Variants in CAPN3 observed in about 807,000 individuals in gnomAD.
CAPN3 encodes calpain 3, also known as calpain-3.
In CAPN3, 88 loss-of-function variants were observed where a neutral mutation model predicts 114.0. The ratio of observed to expected loss-of-function variants is 0.77; its 90% CI spans 0.65 to 0.92. The LOEUF is 0.92. Among genes scored for constraint, CAPN3 ranks in the 40% least tolerant of loss-of-function variants. The probability of loss-of-function intolerance (pLI) is 0.00; values close to 1 mark genes in which losing one functional copy is unlikely to be tolerated. For missense variants in CAPN3, 1,028 were observed against 1,069.0 expected, an observed-to-expected ratio of 0.96 and a Z score of 0.53; for synonymous variants, 386 against 382.9, an observed-to-expected ratio of 1.01 and a Z score of -0.09.
intron 7 of CAPN3, 29 bp downstream of exon 7, chr15:42,392,751 GGGCACCCT>G: frequency 6.3e-7 from 1 of 1,586,630 alleles, no homozygotes; most frequent in Non-Finnish European, 8.6e-7. Context: ...GGTGGGGCAA[GGGCACCCT>G]CCTGGGTTAA....
At chr15:42,387,939 C>A in intron 4 of CAPN3, 53 bp downstream of exon 4, 1 of 1,610,970 alleles carries the variant, frequency 6.2e-7, no homozygotes, top group Non-Finnish European at 8.5e-7. Context: ...AAGTGGGTTG[C>A]AAAATCCAGC....
intron 1 of CAPN3, among the ~76,000 whole-genome samples, chr15:42,369,526 A>G (rs963505334): frequency 6.6e-6 from 1 of 152,058 alleles, no homozygotes; most frequent in Non-Finnish European, 1.5e-5. Flanking sequence ...AAAGAATGTG[A>G]TCAGTATGAA....
intron 17 of CAPN3, 77 bp downstream of exon 17, chr15:42,409,457 T>A: frequency 7.4e-7 from 1 of 1,352,960 alleles, no homozygotes; most frequent in Non-Finnish European, 1.1e-6. Flanking sequence ...ACCAATTATT[T>A]CATTATTGTT....
At position 42,402,997 on chromosome 15, in the gene CAPN3, C is replaced by T. The variant is rs1296069874; in HGVS notation, c.1740C>T (p.Leu580=). The T allele has an allele frequency of 6.2e-7, 1 of 1,613,896 alleles. No homozygotes were observed. The highest frequency in any genetic ancestry group is 1.3e-5 in the African/African-American group (1 of 75,054). Residue 580 remains leucine, a synonymous_variant, in exon 13 of 24, where the codon CTC becomes CTT. Coordinates refer to ENST00000397163, the MANE Select transcript of CAPN3 (RefSeq NM_000070.3). The stretch of plus-strand genomic sequence containing the variant: ...GGGTCTTCTCTGAAAAGAGGAACCT[C>T]TCTGAGTGAGTGCTGGCCCAGCTTT... ...ILRVFSEKRN[L]SEEVENTISV...
intron 1 of CAPN3, among the ~76,000 whole-genome samples, chr15:42,371,747 T>C (rs938718386): frequency 2.0e-5 from 3 of 152,128 alleles, no homozygotes; most frequent in African/African-American, 7.2e-5. Flanking sequence ...GCAGATCACC[T>C]GAGGTCAGGA....
At chr15:42,391,403 G>A (rs763962026) in intron 6 of CAPN3, among the ~76,000 whole-genome samples, 36 of 152,068 alleles carry the variant, frequency 2.4e-4, no homozygotes, top group Admixed American at 1.3e-4. Flanking sequence ...AGCTTCCTAG[G>A]TCTAGAACTA....
intron 1 of CAPN3, among the ~76,000 whole-genome samples, chr15:42,367,693 C>G (rs1222484092): frequency 6.6e-6 from 1 of 152,212 alleles, no homozygotes; most frequent in East Asian, 1.9e-4. Context: ...CTTTCACAGT[C>G]TGAACACTCA....
intron 11 of CAPN3, 117 bp from the exon 12 acceptor site, chr15:42,402,007 G>GAACA: frequency 7.0e-7 from 1 of 1,432,480 alleles, no homozygotes; most frequent in Non-Finnish European, 9.8e-7. Flanking sequence ...GGGCCTGGCA[G>GAACA]AACAGGTGCC....
chr15:42,392,915 G>A (rs1439031413), intron 7 of CAPN3, among the ~76,000 whole-genome samples, 193 bp downstream of exon 7: 1 of 152,224 alleles, frequency 6.6e-6, no homozygotes, highest in African/African-American at 2.4e-5. Context: ...GCCACAGTTG[G>A]TGCACAGTTT....
intron 10 of CAPN3, among the ~76,000 whole-genome samples, chr15:42,400,219 TGAG>T (rs1027112977): frequency 2.0e-5 from 3 of 152,148 alleles, no homozygotes; most frequent in African/African-American, 7.2e-5. Context: ...TCAGGGACTG[TGAG>T]TACTGTGTCA....
Position 42,399,616 on chromosome 15 carries a change from CG to C in CAPN3, c.1322del (p.Gly441ValfsTer22), listed in dbSNP as rs1555421871. 5 of 1,611,214 alleles carry C rather than the reference CG, an allele frequency of 3.1e-6. No individual in the cohort carries two copies. The highest frequency in any genetic ancestry group is 4.2e-6 in the Non-Finnish European group (5 of 1,178,404). On this transcript the variant is annotated frameshift_variant, in exon 10 of 24. Transcript: ENST00000397163. LOFTEE classifies it high-confidence loss of function. ...TVSVNEGRWV[R>X]GCSAGGCRNF... ...GTCTGTGAACGAGGGCCGCTGGGTA[CG>C]GGGTTGCTCTGCCGGAGGCTGCCGC...
chr15:42,404,304 G>A, intron 14 of CAPN3: 1 of 456,556 alleles, frequency 2.2e-6, no homozygotes, highest in Non-Finnish European at 4.4e-6. Flanking sequence ...GGTGATGTAT[G>A]TGAAGTGTCT....
chr15:42,388,640 G>A (rs557871209), intron 4 of CAPN3, among the ~76,000 whole-genome samples: 3 of 152,024 alleles, frequency 2.0e-5, no homozygotes, highest in East Asian at 1.9e-4. Context: ...CTTCCTCAAC[G>A]TTCAGGATGT....
At chr15:42,377,363 T>A (rs921838304) in intron 1 of CAPN3, among the ~76,000 whole-genome samples, 2 of 152,204 alleles carry the variant, frequency 1.3e-5, no homozygotes, top group Non-Finnish European at 2.9e-5. Context: ...CCTAGTTAGC[T>A]GAGAGGTTTT....
At chr15:42,410,371 C>T in intron 19 of CAPN3, 57 bp from the exon 20 acceptor site, 2 of 1,543,752 alleles carry the variant, frequency 1.3e-6, no homozygotes, top group Non-Finnish European at 1.8e-6. Flanking sequence ...TAGACCCTCC[C>T]TCCAAATCCA....
chr15:42,409,791 T>C lies in CAPN3; in HGVS notation c.1997T>C (p.Met666Thr), dbSNP rs1261674189. ...CTCCTCTCCCTTCCTCCTCAGGACATGGAGATCTGTGCAGATGAGCTCAAG... is the reference window on the plus strand; with the variant it reads ...CTCCTCTCCCTTCCTCCTCAGGACACGGAGATCTGTGCAGATGAGCTCAAG... ...NIFKQIAGDD[M>T]EICADELKKV... Residue 666 changes from methionine (M) to threonine (T), a missense_variant, in exon 18 of 24, where the codon ATG becomes ACG. Coordinates refer to ENST00000397163, the MANE Select transcript of CAPN3 (RefSeq NM_000070.3). The C allele has an allele frequency of 2.5e-6, 4 of 1,601,712 alleles. No homozygotes were observed. The highest frequency in any genetic ancestry group is 2.5e-6 in the Non-Finnish European group (3 of 1,177,818).
rs771923541 is a variant in CAPN3 at position 42,388,913 on chromosome 15, C to T, written c.633-15C>T. 6.2e-7 allele frequency: 1 copy of T among 1,613,480 alleles called. No homozygotes were observed. The highest frequency in any genetic ancestry group is 8.5e-7 in the Non-Finnish European group (1 of 1,179,892). ...AACTCTGTGACCCCAAATTGGTCTT[C>T]ATCCTCTCTCTAAGGCTCCATGGTT... On this transcript the variant is annotated splice_polypyrimidine_tract_variant and intron_variant, in intron 4 of 23. Transcript: ENST00000397163.
In CAPN3 at chr15:42,408,262, G is replaced by T. The variant is rs1479531082; in HGVS notation, c.1852G>T (p.Asp618Tyr). The change falls in exon 16 of 24, where the codon GAC becomes TAC. Residue 618 changes from aspartate to tyrosine, a missense_variant. By Grantham distance (160) the Asp-to-Tyr change is radical (BLOSUM62 -3). Coordinates refer to ENST00000397163, the MANE Select transcript of CAPN3 (RefSeq NM_000070.3). Reference sequence around the variant, plus strand: ...AAACAGCAACAAGGAGCTGGGTGTGGACCAGGAGTCAGAGGAGGGCAAAGG... The same window carrying T: ...AAACAGCAACAAGGAGCTGGGTGTGTACCAGGAGTCAGAGGAGGGCAAAGG... ...RANSNKELGV[D>Y]QESEEGKGKT... 1 of 1,613,962 alleles carries T rather than the reference G, an allele frequency of 6.2e-7. No individual in the cohort carries two copies. The highest frequency in any genetic ancestry group is 1.1e-5 in the South Asian group (1 of 91,056).
chr15:42,380,744 TATA>T (rs1566972281), intron 1 of CAPN3, among the ~76,000 whole-genome samples: 5 of 59,280 alleles, frequency 8.4e-5, no homozygotes, highest in African/African-American at 3.5e-4. Flanking sequence ...TATATATATA[TATA>T]TATATTTTTT....
Sources: gnomAD v4.1 joint callset for allele counts (sites outside exome capture counted in the v4.1 genomes callset) on GRCh38, gnomAD v4.1.1 for gene constraint, MANE v1.5 for transcripts, NCBI Gene and HGNC (gene_info 2026-07-23, HGNC 2026-07-21) for gene names.